Variants in SULT1C4 observed in about 807,000 individuals in gnomAD.
The protein encoded by SULT1C4 is sulfotransferase family 1C member 4.
In SULT1C4, 32 loss-of-function variants were observed where a neutral mutation model predicts 34.8. The observed-to-expected ratio is 0.92, with a 90% confidence interval of 0.69 to 1.23. SULT1C4 has a LOEUF of 1.23. Among genes scored for constraint, SULT1C4 ranks in the 50% most tolerant of loss-of-function variants. The probability of loss-of-function intolerance (pLI) is 0.00; values close to 1 mark genes in which losing one functional copy is unlikely to be tolerated. For missense variants in SULT1C4, 375 were observed against 365.9 expected, an observed-to-expected ratio of 1.02 and a Z score of -0.20; for synonymous variants, 111 against 120.5, an observed-to-expected ratio of 0.92 and a Z score of 0.51.
Position 108,378,094 on chromosome 2 carries a change from G to A in SULT1C4, c.-244G>A, listed in dbSNP as rs189536289. 19 of 313,088 alleles carry A rather than the reference G, an allele frequency of 6.1e-5. No homozygotes were observed. The highest frequency in any genetic ancestry group is 7.0e-5 in the Non-Finnish European group (12 of 172,248). The allele number at this position is 313,088 out of a possible 1,614,324, so 19.4% of individuals were successfully genotyped here. On this transcript the variant is annotated 5_prime_UTR_variant, in exon 1 of 7. Coordinates refer to ENST00000272452, the MANE Select transcript of SULT1C4 (RefSeq NM_006588.4). ...TGACGCCACAGCCTGGTGAGGAGGG[G>A]GCTGCAGTTCCTCAGGAAACTGCCA... is the stretch of plus-strand genomic sequence containing the variant.
chr2:108,378,828 G>A (rs541380529), intron 1 of SULT1C4, among the ~76,000 whole-genome samples: 1 of 150,268 alleles, frequency 6.7e-6, no homozygotes, highest in South Asian at 2.1e-4. Flanking sequence ...CCTTATTGTA[G>A]ATCTTGTAAA....
chr2:108,382,330 G>C (rs1678426014), intron 2 of SULT1C4, 55 bp from the exon 3 acceptor site: 8 of 1,396,856 alleles, frequency 5.7e-6, no homozygotes, highest in Non-Finnish European at 8.1e-6. Flanking sequence ...GCAAGACTTG[G>C]AAGCAAATAG....
At position 108,388,207 on chromosome 2, in the gene SULT1C4, G is replaced by A. The variant is rs1000995349; in HGVS notation, c.*775G>A. ...CATCAAGTGATTCAGGTTCCTCTTG[G>A]AACCCTCCAAGAAAAACTTCAGGGT... is the stretch of plus-strand genomic sequence containing the variant. On this transcript the variant is annotated 3_prime_UTR_variant, in exon 7 of 7. Coordinates refer to ENST00000272452, the MANE Select transcript of SULT1C4 (RefSeq NM_006588.4). 1.4e-4 allele frequency: 22 copies of A among 151,970 alleles called. No homozygotes were observed. Among genetic ancestry groups the A allele is most frequent in the African/African-American group, 4.8e-4 (20 of 41,356 alleles). 9.4% of individuals were successfully genotyped at this position (151,970 alleles called of 1,614,324 possible). A position where few individuals can be genotyped will look rare whatever the true frequency, so the allele number is the denominator to read the frequency against.
chr2:108,382,094 T>C (rs1678418220), intron 2 of SULT1C4: 8 of 603,318 alleles, frequency 1.3e-5, no homozygotes, highest in Non-Finnish European at 2.1e-5. Flanking sequence ...AAATTTTGTT[T>C]CTCTAGTTAG....
In SULT1C4 at chr2:108,387,303, A is replaced by T; in HGVS notation, c.797-17A>T. 6.3e-7 allele frequency: 1 copy of T among 1,593,452 alleles called. No individual in the cohort carries two copies. The highest frequency in any genetic ancestry group is 8.6e-7 in the Non-Finnish European group (1 of 1,163,822). ...TTCCAACAGCTACTGAACCTCTCCC[A>T]CATAACTGTATTTCAGGGGCAGTGG... On this transcript the variant is annotated splice_polypyrimidine_tract_variant and intron_variant, in intron 6 of 6. Transcript: ENST00000272452.
chr2:108,383,485 A>G lies in SULT1C4; in HGVS notation c.590A>G (p.Tyr197Cys), dbSNP rs772999744. The G allele has an allele frequency of 6.2e-7, 1 of 1,614,170 alleles. No homozygotes were observed. The highest frequency in any genetic ancestry group is 1.1e-5 in the South Asian group (1 of 91,066). ...GCCAAAGACAAACACCGTATTCTCT[A>G]TCTCTTCTATGAGGACATGAAGAAG... ...WEAKDKHRIL[Y>C]LFYEDMKKNP... is the part of the protein sequence containing the mutation. The change falls in exon 5 of 7, where the codon TAT (tyrosine) becomes TGT (cysteine). Residue 197 changes from tyrosine to cysteine, a missense_variant. Transcript: ENST00000272452.
intron 1 of SULT1C4, among the ~76,000 whole-genome samples, chr2:108,381,260 A>AT (rs1047415731): frequency 2.0e-5 from 3 of 152,178 alleles, no homozygotes; most frequent in African/African-American, 4.8e-5. Flanking sequence ...AAATTGGAGT[A>AT]TTTTTTTAAA....
Position 108,386,266 on chromosome 2 carries a change from T to C in SULT1C4, c.690T>C (p.Ile230=). The C allele has an allele frequency of 1.3e-6, 2 of 1,577,228 alleles. No individual in the cohort carries two copies. The highest frequency in any genetic ancestry group is 1.7e-6 in the Non-Finnish European group (2 of 1,161,524). ...KKLDDKVLDK[I]VHYTSFDVMK... ...TAGATGACAAAGTTCTAGATAAAAT[T>C]GTCCATTACACTTCGTTTGATGTCA... Residue 230 remains isoleucine, a synonymous_variant, in exon 6 of 7, where the codon ATT becomes ATC. Transcript: ENST00000272452.
At chr2:108,381,262 T>G (rs1013405046) in intron 1 of SULT1C4, among the ~76,000 whole-genome samples, 1 of 152,196 alleles carries the variant, frequency 6.6e-6, no homozygotes. Flanking sequence ...ATTGGAGTAT[T>G]TTTTTAAAAT....
At chr2:108,387,253 C>CA (rs768584683) in intron 6 of SULT1C4, 67 bp from the exon 7 acceptor site, 475 of 1,203,544 alleles carry the variant, frequency 3.9e-4, no homozygotes, top group Non-Finnish European at 5.4e-4. Flanking sequence ...CATACAGAAA[C>CA]AGGAGAATAG....
chr2:108,382,218 G>A lies in SULT1C4; in HGVS notation c.296-167G>A, dbSNP rs1297291993. 3 of 670,866 alleles carry A rather than the reference G, an allele frequency of 4.5e-6. No individual in the cohort carries two copies. The Admixed American group carries it at 8.4e-5, about 19-fold the overall frequency. The allele number at this position is 670,866 out of a possible 1,614,324, so 41.6% of individuals were successfully genotyped here. A position where few individuals can be genotyped will look rare whatever the true frequency, so the allele number is the denominator to read the frequency against. On this transcript the variant is annotated intron_variant, in intron 2 of 6. Coordinates refer to ENST00000272452, the MANE Select transcript of SULT1C4 (RefSeq NM_006588.4). ...ACTGTTATGGTTAGGAATTGTTCTA[G>A]TCAAAACATCTATTCATAGGCTAGA...
chr2:108,384,680 T>C (rs894390603), intron 5 of SULT1C4, among the ~76,000 whole-genome samples: 1 of 152,244 alleles, frequency 6.6e-6, no homozygotes, highest in Non-Finnish European at 1.5e-5. Flanking sequence ...GATAATAATA[T>C]TTACCCATTC....
At chr2:108,381,933 A>G in intron 2 of SULT1C4, 46 bp downstream of exon 2, 1 of 1,421,662 alleles carries the variant, frequency 7.0e-7, no homozygotes, top group African/African-American at 1.5e-5. Flanking sequence ...AAATGCACTT[A>G]GGATTTTTAC....
intron 1 of SULT1C4, among the ~76,000 whole-genome samples, chr2:108,381,481 G>A (rs887371998): frequency 4.0e-5 from 6 of 151,896 alleles, no homozygotes; most frequent in Admixed American, 1.3e-4. Context: ...GTAAAATGCC[G>A]TCTCTACAAA....
rs141782179 is a variant in SULT1C4 at position 108,387,592 on chromosome 2, G to A, written c.*160G>A. ...TACTAAAAAATTATTTTAAAAGGCTGGAGGCAAGGTGGTGACAGGCAGCAG... is the reference window on the plus strand; with the variant it reads ...TACTAAAAAATTATTTTAAAAGGCTAGAGGCAAGGTGGTGACAGGCAGCAG... On this transcript the variant is annotated 3_prime_UTR_variant, in exon 7 of 7. Transcript: ENST00000272452. 88 of 591,664 alleles carry A rather than the reference G, an allele frequency of 1.5e-4. No homozygotes were observed. In the East Asian group the frequency reaches 2.2e-3, roughly 15 times the overall value. 36.7% of individuals were successfully genotyped at this position (591,664 alleles called of 1,614,324 possible).
rs948170932 is a variant in SULT1C4, at chr2:108,387,304, C to G, written c.797-16C>G. On this transcript the variant is annotated splice_polypyrimidine_tract_variant and intron_variant, in intron 6 of 6. Coordinates refer to ENST00000272452, the MANE Select transcript of SULT1C4 (RefSeq NM_006588.4). ...TCCAACAGCTACTGAACCTCTCCCA[C>G]ATAACTGTATTTCAGGGGCAGTGGG... 1.3e-6 allele frequency: 2 copies of G among 1,594,970 alleles called. No homozygotes were observed. Among genetic ancestry groups the G allele is most frequent in the African/African-American group, 1.3e-5 (1 of 74,324 alleles).
chr2:108,381,585 G>C (rs1461603164), intron 1 of SULT1C4, among the ~76,000 whole-genome samples, 177 bp from the exon 2 acceptor site: 1 of 149,866 alleles, frequency 6.7e-6, no homozygotes, highest in Non-Finnish European at 1.5e-5. Context: ...CCAGGAGGCA[G>C]TGAGCCAAGA....
At chr2:108,387,172 G>T (rs1678588731) in intron 6 of SULT1C4, 148 bp from the exon 7 acceptor site, 4 of 580,148 alleles carry the variant, frequency 6.9e-6, no homozygotes, top group South Asian at 5.2e-5. Flanking sequence ...TTCAGGATAA[G>T]GAAGTGACAG....
rs11569691 is a variant in SULT1C4, at chr2:108,387,197, C to T, written c.797-123C>T. On this transcript the variant is annotated intron_variant, in intron 6 of 6. Transcript: ENST00000272452. ...GGAAGTGACAGGATAGCAAGAGAAACGTTTTGTCCAATACTGCCCTTCCTA... is the reference window on the plus strand; with the variant it reads ...GGAAGTGACAGGATAGCAAGAGAAATGTTTTGTCCAATACTGCCCTTCCTA... 3,210 of 667,738 alleles carry T rather than the reference C, an allele frequency of 4.8e-3. 81 individuals are homozygous for T. In the African/African-American group the frequency reaches 0.054, roughly 11 times the overall value. The allele number at this position is 667,738 out of a possible 1,614,324, so 41.4% of individuals were successfully genotyped here.
Sources: allele counts gnomAD v4.1 joint callset (sites outside exome capture counted in the v4.1 genomes callset), GRCh38; gene constraint gnomAD v4.1.1; transcripts MANE v1.5; gene names NCBI Gene and HGNC (gene_info 2026-07-23, HGNC 2026-07-21).